LAIR1: variants seen among roughly 807,000 people sequenced by gnomAD.
The protein encoded by LAIR1 is leukocyte associated immunoglobulin like receptor 1.
LAIR1 carries 24 observed loss-of-function variants against 32.8 expected under a neutral mutation model. That is an observed-to-expected ratio of 0.73 (90% CI 0.53 to 1.03). The LOEUF is 1.03. Among genes scored for constraint, LAIR1 ranks in the 50% least tolerant of loss-of-function variants. The pLI is 0.00. For missense variants in LAIR1, 355 were observed against 347.5 expected (o/e 1.02, Z -0.17); for synonymous variants, 150 against 140.5 (o/e 1.07, Z -0.48).
In LAIR1 at chr19:54,358,501, G is replaced by T. The variant is rs1261536404; in HGVS notation, c.415+1521C>A. On this transcript the variant is annotated intron_variant, in intron 4 of 9. Transcript: ENST00000391742. ...TATTTTTATCTGTATATGCATGTAT[G>T]GGAATCAGTGCATTTCTATTGCTCA... 2.5e-6 allele frequency: 4 copies of T among 1,571,974 alleles called. No individual in the cohort carries two copies. In the South Asian group the frequency reaches 3.3e-5, roughly 13 times the overall value.
chr19:54,360,634 T>A, intron 3 of LAIR1: 1 of 502,342 alleles, frequency 2.0e-6, no homozygotes, highest in South Asian at 3.1e-5. Flanking sequence ...GGGAACCCAC[T>A]CCCCACCCAG....
upstream of LAIR1, among the ~76,000 whole-genome samples, chr19:54,371,545 C>T (rs147098949): frequency 5.0e-3 from 753 of 151,538 alleles, 7 homozygotes; most frequent in Non-Finnish European, 7.0e-3. Flanking sequence ...GTGATCTGCC[C>T]GCCTCAGCCT....
At chr19:54,361,834 A>T (rs1183185138) in intron 2 of LAIR1, among the ~76,000 whole-genome samples, 7 of 152,070 alleles carry the variant, frequency 4.6e-5, no homozygotes, top group Non-Finnish European at 8.8e-5. Context: ...TATAGTTTCT[A>T]CTTTCTTCTC....
At chr19:54,364,986 T>C (rs1013089781), upstream of LAIR1, 1 of 1,474,624 alleles carries the variant, frequency 6.8e-7, no homozygotes, top group East Asian at 2.5e-5. The surrounding 1 kb of genome is among the most constrained non-coding windows in gnomAD (Gnocchi z 4.8). Flanking sequence ...TTCCCACTAG[T>C]GAGACGAGAG....
At chr19:54,362,895 A>G (rs2082094243) in intron 2 of LAIR1, among the ~76,000 whole-genome samples, 2 of 152,070 alleles carry the variant, frequency 1.3e-5, no homozygotes, top group African/African-American at 4.8e-5. Context: ...AACCTGGAGG[A>G]ATGTAGAGAT....
At position 54,355,304 on chromosome 19, in the gene LAIR1, G is replaced by C; in HGVS notation, c.828C>G (p.Ala276=). The part of the protein sequence containing the change: ...AVSPQSTKPM[A]ESITYAAVAR... ...CAACGGCTGCATACGTGATGGACTC[G>C]GCCATGGGCTTTGTGGACTGTGGGG... is the stretch of plus-strand genomic sequence containing the variant. The change falls in exon 10 of 10, where the codon GCC becomes GCG. Residue 276 remains alanine, a synonymous_variant. Transcript: ENST00000391742. The surrounding 1 kb of genome is among the most constrained non-coding windows in gnomAD (Gnocchi z 4.7). The C allele has an allele frequency of 6.2e-7, 1 of 1,612,388 alleles. No individual in the cohort carries two copies. Among genetic ancestry groups the C allele is most frequent in the South Asian group, 1.1e-5 (1 of 90,936 alleles).
upstream of LAIR1, among the ~76,000 whole-genome samples, chr19:54,371,737 T>C (rs1337550775): frequency 1.3e-5 from 2 of 151,656 alleles, no homozygotes; most frequent in Non-Finnish European, 1.5e-5. Flanking sequence ...TTTACCCAAA[T>C]ATTTAGCTTC....
In LAIR1 at chr19:54,351,670, G is replaced by GC. The variant is rs1163886103; in HGVS notation, c.*3597dup. On this transcript the variant is annotated 3_prime_UTR_variant, in exon 10 of 10. Transcript: ENST00000391742. ...TTGGACAGCAGGTGTGTAAGCAGGA[G>GC]CCAAGAGTGAAACACGCTCTTGCTC... 6.6e-6 allele frequency: 1 copy of GC among 152,146 alleles called. No homozygotes were observed. Among genetic ancestry groups the GC allele is most frequent in the Admixed American group, 6.5e-5 (1 of 15,270 alleles). 9.4% of individuals were successfully genotyped at this position (152,146 alleles called of 1,614,324 possible). A position where few individuals can be genotyped will look rare whatever the true frequency, so the allele number is the denominator to read the frequency against.
Position 54,356,511 on chromosome 19 carries a change from C to A in LAIR1, c.563G>T (p.Arg188Leu), listed in dbSNP as rs570102486. Residue 188 changes from arginine (R) to leucine (L), a missense_variant, in exon 6 of 10, where the codon CGC becomes CTC. By Grantham distance (102) the Arg-to-Leu change is moderately radical. Coordinates refer to ENST00000391742, the MANE Select transcript of LAIR1 (RefSeq NM_002287.6). ...LLLLVLFCLH[R>L]QNQIKQGPPR... ...CCTACCCTGCTTTATCTGATTCTGG[C>A]GATGGAGGCAGAAGAGGACCAGGAG... 2 of 1,613,852 alleles carry A rather than the reference C, an allele frequency of 1.2e-6. No homozygotes were observed. Among genetic ancestry groups the A allele is most frequent in the East Asian group, 2.2e-5 (1 of 44,864 alleles).
rs559579659 is a variant in LAIR1, at chr19:54,363,174, C to T, written c.70+1121G>A. On this transcript the variant is annotated intron_variant, in intron 2 of 9. Transcript: ENST00000391742. ...AGGGAGCAGGCAGCAGTGGCATGGA[C>T]AGGCTGAGGCCGGCCTCGGGGAGCC... 4.0e-3 allele frequency among the ~76,000 whole-genome samples: 606 copies of T among 151,986 alleles called. 2 individuals are homozygous for T. Among genetic ancestry groups the T allele is most frequent in the African/African-American group, 0.014 (582 of 41,426 alleles).
At chr19:54,373,625 G>A (rs190518049), upstream of LAIR1, among the ~76,000 whole-genome samples, 1 of 151,780 alleles carries the variant, frequency 6.6e-6, no homozygotes, top group African/African-American at 2.4e-5. Flanking sequence ...ATTATTTCAC[G>A]ACTATTGTGA....
At chr19:54,372,632 A>C (rs2082435712), upstream of LAIR1, among the ~76,000 whole-genome samples, 1 of 150,520 alleles carries the variant, frequency 6.6e-6, no homozygotes, top group Non-Finnish European at 1.5e-5. Flanking sequence ...CTGGGATTAC[A>C]GGCATGCACC....
chr19:54,373,176 C>T (rs1016091398), upstream of LAIR1, among the ~76,000 whole-genome samples: 1 of 151,072 alleles, frequency 6.6e-6, no homozygotes, highest in East Asian at 1.9e-4. Context: ...GGTGTGGTGG[C>T]TCACGCCTGT....
At chr19:54,373,829 A>T (rs1293170915), upstream of LAIR1, among the ~76,000 whole-genome samples, 2 of 152,222 alleles carry the variant, frequency 1.3e-5, no homozygotes, top group Non-Finnish European at 2.9e-5. Context: ...ACTCAGGGAC[A>T]CCCGCTTCCT....
chr19:54,355,167 A>C lies in LAIR1; in HGVS notation c.*101T>G, dbSNP rs1169992741. 1 of 1,165,504 alleles carries C rather than the reference A, an allele frequency of 8.6e-7. No individual in the cohort carries two copies. Among genetic ancestry groups the C allele is most frequent in the Admixed American group, 2.4e-5 (1 of 41,376 alleles). The allele number at this position is 1,165,504 out of a possible 1,614,324, so 72.2% of individuals were successfully genotyped here. ...AGGACAGCTGCCTGGCTGGCTTTCT[A>C]GATGAAGAGGAATCCAACAGGAAGC... On this transcript the variant is annotated 3_prime_UTR_variant, in exon 10 of 10. Coordinates refer to ENST00000391742, the MANE Select transcript of LAIR1 (RefSeq NM_002287.6). The surrounding 1 kb of genome is among the most constrained non-coding windows in gnomAD (Gnocchi z 4.7).
chr19:54,365,122 G>A (rs894233994), upstream of LAIR1: 131 of 1,157,896 alleles, frequency 1.1e-4, 1 homozygote, highest in Admixed American at 1.6e-3. Context: ...AATAAAGGTC[G>A]GGCAACCAAT....
chr19:54,373,371 G>A (rs1366811255), upstream of LAIR1, among the ~76,000 whole-genome samples: 1 of 152,048 alleles, frequency 6.6e-6, no homozygotes, highest in African/African-American at 2.4e-5. Context: ...ATGAACCCGG[G>A]AGGCGGAGCT....
chr19:54,362,830 A>T (rs151312888), intron 2 of LAIR1, among the ~76,000 whole-genome samples: 1 of 152,136 alleles, frequency 6.6e-6, no homozygotes, highest in Non-Finnish European at 1.5e-5. Context: ...CAAAATCAGC[A>T]TGTGAGAAGA....
upstream of LAIR1, among the ~76,000 whole-genome samples, chr19:54,373,684 C>T (rs540147709): frequency 1.2e-3 from 179 of 151,308 alleles, no homozygotes; most frequent in Non-Finnish European, 2.1e-3. Flanking sequence ...AATCCCAGCT[C>T]GAACCAGGGA....
Sources: gnomAD v4.1 joint callset for allele counts (sites outside exome capture counted in the v4.1 genomes callset) on GRCh38, gnomAD v4.1.1 for gene constraint, Gnocchi (gnomAD v3.1) non-coding constraint, MANE v1.5 for transcripts, NCBI Gene and HGNC (gene_info 2026-07-23, HGNC 2026-07-21) for gene names.